Variants in SLC35H1 observed in about 807,000 individuals in gnomAD.
SLC35H1 encodes ovarian cancer-overexpressed gene 1 protein.
At chr20:46,352,374 G>A in the SLC35H1 span, 45 of 712,106 alleles carry the variant, frequency 6.3e-5, no homozygotes, top group Non-Finnish European at 8.7e-5. Flanking sequence ...AGCATGGAAG[G>A]TATAAAGTGA....
chr20:46,355,183 T>C, the SLC35H1 span: 9 of 1,614,032 alleles, frequency 5.6e-6, no homozygotes, highest in South Asian at 4.4e-5. This position sits in a 1 kb window ranked among gnomAD's most constrained non-coding sequence, Gnocchi z 4.8. Context: ...TGTGGACTTG[T>C]AGGTGAACAT....
the SLC35H1 span, chr20:46,355,301 A>G: frequency 6.5e-7 from 1 of 1,532,978 alleles, no homozygotes. The surrounding 1 kb of genome is among the most constrained non-coding windows in gnomAD (Gnocchi z 4.8). Context: ...AGGGTTCATC[A>G]CATTTGGAGC....
At chr20:46,351,912 G>T in the SLC35H1 span, 1 of 879,764 alleles carries the variant, frequency 1.1e-6, no homozygotes, top group Non-Finnish European at 1.7e-6. Context: ...ACTCAGCAAA[G>T]TGCCTGGCAC....
chr20:46,355,462 G>A, the SLC35H1 span: 4 of 640,418 alleles, frequency 6.2e-6, no homozygotes, highest in East Asian at 8.3e-5. The surrounding 1 kb of genome is among the most constrained non-coding windows in gnomAD (Gnocchi z 4.8). Flanking sequence ...TGCTTGCTCT[G>A]CCACACTGAC....
chr20:46,352,397 G>A, the SLC35H1 span: 1 of 637,684 alleles, frequency 1.6e-6, no homozygotes, highest in Non-Finnish European at 2.7e-6. Context: ...CCACACAGAT[G>A]GCCTGAGACC....
chr20:46,350,825 C>G, the SLC35H1 span: 1 of 1,614,110 alleles, frequency 6.2e-7, no homozygotes, highest in Non-Finnish European at 8.5e-7. Flanking sequence ...GGGCGAAGCC[C>G]AGCCAGTTCA....
the SLC35H1 span, chr20:46,359,053 G>A: frequency 2.4e-6 from 1 of 410,992 alleles, no homozygotes; most frequent in Non-Finnish European, 4.6e-6. Context: ...CCTTCTTTCG[G>A]CTCCCATGGC....
the SLC35H1 span, chr20:46,358,617 G>C: frequency 1.3e-6 from 2 of 1,576,650 alleles, no homozygotes; most frequent in South Asian, 2.3e-5. Flanking sequence ...CACCAAGAAC[G>C]TCTCCAGGCT....
chr20:46,350,383 G>T, the SLC35H1 span: 19 of 1,600,142 alleles, frequency 1.2e-5, no homozygotes, highest in Non-Finnish European at 1.4e-5. Context: ...TAAGCCATTT[G>T]CCCTGGCTGG....
At chr20:46,355,423 C>T in the SLC35H1 span, 2 of 692,804 alleles carry the variant, frequency 2.9e-6, no homozygotes, top group African/African-American at 1.8e-5. The surrounding 1 kb of genome is among the most constrained non-coding windows in gnomAD (Gnocchi z 4.8). Context: ...GCATGTAGGG[C>T]TGACGGTCAG....
At chr20:46,353,433 A>G in the SLC35H1 span, among the ~76,000 whole-genome samples, 1 of 152,198 alleles carries the variant, frequency 6.6e-6, no homozygotes, top group East Asian at 1.9e-4. Flanking sequence ...GTATTAGCAC[A>G]GGGTGAAGGG....
chr20:46,354,987 C>T, the SLC35H1 span: 785 of 1,613,752 alleles, frequency 4.9e-4, no homozygotes, highest in Non-Finnish European at 6.4e-4. Flanking sequence ...GGGACAGGCA[C>T]CATCAGGTCT....
chr20:46,355,324 G>C, the SLC35H1 span: 3 of 1,460,656 alleles, frequency 2.1e-6, no homozygotes, highest in Admixed American at 6.5e-5. The surrounding 1 kb of genome is among the most constrained non-coding windows in gnomAD (Gnocchi z 4.8). Context: ...GGGGTCAGCA[G>C]CCATCTTGGC....
chr20:46,360,845 G>C, the SLC35H1 span, among the ~76,000 whole-genome samples: 2 of 152,146 alleles, frequency 1.3e-5, no homozygotes, highest in Admixed American at 1.3e-4. Flanking sequence ...CACCGCGCCC[G>C]GCTGCATTTG....
At chr20:46,351,049 C>T in the SLC35H1 span, among the ~76,000 whole-genome samples, 6 of 152,214 alleles carry the variant, frequency 3.9e-5, no homozygotes, top group African/African-American at 9.6e-5. Context: ...GGGACCCGGC[C>T]GGCTTGCGGC....
chr20:46,353,755 G>T, the SLC35H1 span, among the ~76,000 whole-genome samples: 1 of 152,112 alleles, frequency 6.6e-6, no homozygotes, highest in Non-Finnish European at 1.5e-5. Flanking sequence ...TTCAGATGAG[G>T]TTTTGCAGAG....
At chr20:46,350,949 G>C in the SLC35H1 span, 1 of 1,603,854 alleles carries the variant, frequency 6.2e-7, no homozygotes, top group Non-Finnish European at 8.5e-7. Context: ...TGCTTGACCA[G>C]GAGGGTGGAA....
At chr20:46,357,950 G>T in the SLC35H1 span, among the ~76,000 whole-genome samples, 1 of 152,086 alleles carries the variant, frequency 6.6e-6, no homozygotes, top group African/African-American at 2.4e-5. Context: ...CAGACTCTTA[G>T]GTCACGAAGA....
the SLC35H1 span, chr20:46,350,897 G>A: frequency 1.1e-5 from 18 of 1,613,622 alleles, no homozygotes; most frequent in South Asian, 1.6e-4. Context: ...CTTCCTGGGG[G>A]CAGAGAAGCA....
Sources: allele counts gnomAD v4.1 joint callset (sites outside exome capture counted in the v4.1 genomes callset), GRCh38; gene constraint gnomAD v4.1.1; non-coding constraint Gnocchi (gnomAD v3.1); transcripts MANE v1.5; gene names NCBI Gene and HGNC (gene_info 2026-07-23, HGNC 2026-07-21).